The following CTIF variants were observed in gnomAD, a reference collection of about 807,000 sequenced individuals.
CTIF encodes the protein CBP80/20-dependent translation initiation factor.
Under a neutral mutation model 66.0 loss-of-function variants are expected in CTIF, and 21 were observed. The ratio of observed to expected loss-of-function variants is 0.32; its 90% CI spans 0.23 to 0.46. The LOEUF (loss-of-function observed/expected upper bound fraction) is 0.46, where lower values mean the gene tolerates loss of function less well. Ranked by LOEUF, CTIF falls within the 20% of genes least tolerant of loss-of-function variation. The pLI, the probability that CTIF is intolerant of heterozygous loss-of-function variation, is 1.00. For synonymous variants in CTIF, 345 were observed against 326.4 expected, an observed-to-expected ratio of 1.06 and a Z score of -0.62; for missense variants, 739 against 812.7, an observed-to-expected ratio of 0.91 and a Z score of 1.10.
chr18:48,661,230 T>G (rs1242699062), intron 3 of CTIF, among the ~76,000 whole-genome samples: 1 of 152,168 alleles, frequency 6.6e-6, no homozygotes, highest in African/African-American at 2.4e-5. Flanking sequence ...GAAGCTGAAT[T>G]TATAGGCGCC....
At chr18:48,624,760 C>A (rs1447984738) in intron 2 of CTIF, among the ~76,000 whole-genome samples, 1 of 152,162 alleles carries the variant, frequency 6.6e-6, no homozygotes, top group African/African-American at 2.4e-5. Context: ...TCTCCTTTCT[C>A]CCCCTCCATG....
intron 1 of CTIF, among the ~76,000 whole-genome samples, chr18:48,542,946 C>T (rs2088654993): frequency 6.6e-6 from 1 of 152,164 alleles, no homozygotes; most frequent in African/African-American, 2.4e-5. Context: ...TCCGTGGTCC[C>T]GCCCCAGCTC....
intron 2 of CTIF, among the ~76,000 whole-genome samples, chr18:48,620,921 TA>T (rs1413352014): frequency 1.2e-4 from 18 of 151,742 alleles, no homozygotes; most frequent in Non-Finnish European, 1.9e-4. Context: ...GAAGCCACAG[TA>T]ATCCCATGCC....
intron 6 of CTIF, among the ~76,000 whole-genome samples, chr18:48,694,622 C>T (rs1441442206): frequency 6.6e-6 from 1 of 152,224 alleles, no homozygotes; most frequent in Non-Finnish European, 1.5e-5. Flanking sequence ...TTTAAGACAA[C>T]CCATAAAGAC....
chr18:48,547,362 G>A (rs1223103333), intron 1 of CTIF, among the ~76,000 whole-genome samples: 1 of 152,200 alleles, frequency 6.6e-6, no homozygotes, highest in East Asian at 1.9e-4. Context: ...TGTGCAGATT[G>A]CAGTTGCTAC....
At chr18:48,547,039 CCTTTGCT>C (rs1225132034) in intron 1 of CTIF, among the ~76,000 whole-genome samples, 2 of 152,130 alleles carry the variant, frequency 1.3e-5, no homozygotes, top group Non-Finnish European at 2.9e-5. Flanking sequence ...GGCTCTTTGC[CCTTTGCT>C]GACTTAAATC....
chr18:48,630,171 T>C (rs1366411167), intron 2 of CTIF, among the ~76,000 whole-genome samples: 1 of 152,096 alleles, frequency 6.6e-6, no homozygotes, highest in Non-Finnish European at 1.5e-5. Flanking sequence ...TACCTGCGCG[T>C]CACTGCCCAG....
At chr18:48,593,439 G>A (rs1327764939) in intron 1 of CTIF, among the ~76,000 whole-genome samples, 1 of 149,236 alleles carries the variant, frequency 6.7e-6, no homozygotes, top group African/African-American at 2.5e-5. Context: ...AGAGTGCAGT[G>A]GCGCGATCTC....
intron 7 of CTIF, among the ~76,000 whole-genome samples, chr18:48,731,935 A>G (rs2092460008): frequency 6.6e-6 from 1 of 152,242 alleles, no homozygotes; most frequent in African/African-American, 2.4e-5. Context: ...TTATAGAAAT[A>G]TATAAATGAA....
At chr18:48,731,836 A>C (rs2092459138) in intron 7 of CTIF, among the ~76,000 whole-genome samples, 1 of 152,236 alleles carries the variant, frequency 6.6e-6, no homozygotes, top group African/African-American at 2.4e-5. Context: ...AGTTTTCTAC[A>C]AAGGACCAGA....
In CTIF at chr18:48,568,683, TCA is replaced by T. The variant is rs1418924675; in HGVS notation, c.-29+29374_-29+29375del. ...AAAAAAAAAAAGAGGTTTAATGGAC[TCA>T]CAGTTCCACATGTCTGGGGAGGCCT... On this transcript the variant is annotated intron_variant, in intron 1 of 11. Coordinates refer to ENST00000256413, the MANE Select transcript of CTIF (RefSeq NM_014772.3). Among the ~76,000 whole-genome samples the T allele has an allele frequency of 2.0e-4, 16 of 78,898 alleles. No homozygotes were observed. In the East Asian group the frequency reaches 6.5e-3, roughly 32 times the overall value. 51.8% of individuals were successfully genotyped at this position (78,898 alleles called of 152,430 possible).
chr18:48,607,070 A>G (rs1224530515), intron 1 of CTIF, among the ~76,000 whole-genome samples: 1 of 152,188 alleles, frequency 6.6e-6, no homozygotes, highest in East Asian at 1.9e-4. Flanking sequence ...GGAATACAAT[A>G]TTGATGATTT....
intron 2 of CTIF, among the ~76,000 whole-genome samples, chr18:48,635,317 CTT>C (rs1385944729): frequency 1.1e-4 from 14 of 132,942 alleles, no homozygotes; most frequent in African/African-American, 3.8e-4. Context: ...TTTTCTTTTT[CTT>C]TTTCTTTCTT....
At chr18:48,547,520 T>G (rs956390566) in intron 1 of CTIF, among the ~76,000 whole-genome samples, 1 of 152,178 alleles carries the variant, frequency 6.6e-6, no homozygotes, top group African/African-American at 2.4e-5. Context: ...TTGGTTCCAA[T>G]GTGCTTGCTG....
At chr18:48,798,912 C>T (rs1443666662) in intron 9 of CTIF, among the ~76,000 whole-genome samples, 1 of 152,186 alleles carries the variant, frequency 6.6e-6, no homozygotes, top group African/African-American at 2.4e-5. Flanking sequence ...GGACAGCACC[C>T]CCCAAGAACC....
intron 5 of CTIF, among the ~76,000 whole-genome samples, chr18:48,664,901 G>GT (rs1224845031): frequency 3.1e-4 from 31 of 101,572 alleles, no homozygotes; most frequent in Admixed American, 1.0e-3. Context: ...GAGGCTGTGT[G>GT]TTTCTTTCTT....
intron 1 of CTIF, among the ~76,000 whole-genome samples, chr18:48,602,095 C>T (rs1447568341): frequency 1.3e-5 from 2 of 152,208 alleles, no homozygotes; most frequent in African/African-American, 4.8e-5. Flanking sequence ...ATGGCCTGAG[C>T]CTGTGTGAAC....
At chr18:48,699,127 A>T in intron 6 of CTIF, among the ~76,000 whole-genome samples, 1 of 151,412 alleles carries the variant, frequency 6.6e-6, no homozygotes, top group South Asian at 2.1e-4. Flanking sequence ...CTTCTTAGAT[A>T]CCCCCGAGCC....
At chr18:48,813,069 A>G (rs1191199297) in intron 9 of CTIF, among the ~76,000 whole-genome samples, 1 of 150,988 alleles carries the variant, frequency 6.6e-6, no homozygotes, top group East Asian at 1.9e-4. Context: ...TCTGCTCTCT[A>G]GGTGGTTTCC....
Sources: allele counts gnomAD v4.1 joint callset (sites outside exome capture counted in the v4.1 genomes callset), GRCh38; gene constraint gnomAD v4.1.1; transcripts MANE v1.5; gene names NCBI Gene and HGNC (gene_info 2026-07-23, HGNC 2026-07-21).